Variants in ANO9 observed in about 807,000 individuals in gnomAD.
ANO9 encodes anoctamin 9.
A neutral mutation model predicts 100.5 loss-of-function variants in ANO9; 80 were observed. The observed-to-expected ratio is 0.80, with a 90% confidence interval of 0.66 to 0.96. The LOEUF is 0.96. Ranked by LOEUF, ANO9 falls within the 40% of genes least tolerant of loss-of-function variation. The pLI, the probability that ANO9 is intolerant of heterozygous loss-of-function variation, is 0.00. For missense variants in ANO9, 1,064 were observed against 1,072.7 expected (o/e 0.99, Z 0.11); for synonymous variants, 473 against 435.6 (o/e 1.09, Z -1.07).
In ANO9 at chr11:418,420, G is replaced by A. The variant is rs1421954671; in HGVS notation, c.2300C>T (p.Ala767Val). The A allele has an allele frequency of 6.2e-7, 1 of 1,612,484 alleles. No homozygotes were observed. Among genetic ancestry groups the A allele is most frequent in the Non-Finnish European group, 8.5e-7 (1 of 1,179,804 alleles). ...VGAGSRPPMP[A>V]HPTPASIFSA... ...GAAGATGGATGCTGGGGTGGGATGGGCAGGCATTGGGGGCCGAGAGCCTGC... is the reference window on the plus strand; with the variant it reads ...GAAGATGGATGCTGGGGTGGGATGGACAGGCATTGGGGGCCGAGAGCCTGC... The change falls in exon 23 of 23, where the codon GCC (alanine) becomes GTC (valine). Residue 767 changes from alanine (A) to valine (V), a missense_variant. Ala to Val is a moderately conservative substitution (Grantham distance 64). Transcript: ENST00000332826.
In ANO9 at chr11:428,713, C is replaced by T. The variant is rs1378766140; in HGVS notation, c.1020+9G>A. 6.2e-7 allele frequency: 1 copy of T among 1,613,010 alleles called. No homozygotes were observed. Among genetic ancestry groups the T allele is most frequent in the Middle Eastern group, 1.7e-4 (1 of 6,060 alleles). ...GGTCTCCAGCCCCACCGCGGTGTCC[C>T]CTGCGTACCATGAGCAGGGTCAGGA... On this transcript the variant is annotated intron_variant, in intron 12 of 22. Transcript: ENST00000332826.
chr11:429,179 G>C (rs555134219), intron 11 of ANO9, among the ~76,000 whole-genome samples: 1 of 140,350 alleles, frequency 7.1e-6, no homozygotes, highest in East Asian at 2.2e-4. Flanking sequence ...GACAGACACA[G>C]GGACACGCCT....
rs758307530 is a variant in ANO9 at position 420,635 on chromosome 11, C to G, written c.1634-20G>C. ...GGATCACTGCGCGGTGGGGGTCAGGCTCACCGGCGCCCCGCACTCATGTCC... is the reference window on the plus strand; with the variant it reads ...GGATCACTGCGCGGTGGGGGTCAGGGTCACCGGCGCCCCGCACTCATGTCC... On this transcript the variant is annotated intron_variant, in intron 18 of 22. Coordinates refer to ENST00000332826, the MANE Select transcript of ANO9 (RefSeq NM_001012302.3). 5 of 1,603,214 alleles carry G rather than the reference C, an allele frequency of 3.1e-6. No homozygotes were observed. In the African/African-American group the frequency reaches 6.7e-5, roughly 21 times the overall value.
chr11:433,754 G>A, intron 3 of ANO9, 61 bp downstream of exon 3: 1 of 1,514,154 alleles, frequency 6.6e-7, no homozygotes, highest in South Asian at 1.3e-5. Context: ...CCATGGCCCT[G>A]CCCCTCGCTG....
intron 1 of ANO9, 64 bp downstream of exon 1, chr11:441,857 G>A (rs1006600184): frequency 3.8e-6 from 6 of 1,576,130 alleles, no homozygotes; most frequent in Admixed American, 1.8e-5. Flanking sequence ...TGGGGCCGGG[G>A]GCCCCAGGTG....
intron 1 of ANO9, among the ~76,000 whole-genome samples, chr11:440,879 A>C (rs1006943530): frequency 6.6e-6 from 1 of 152,266 alleles, no homozygotes; most frequent in African/African-American, 2.4e-5. Flanking sequence ...GACCACAGGC[A>C]TGCGCCACCA....
At chr11:419,133 C>T (rs796959622) in intron 20 of ANO9, 144 bp from the exon 21 acceptor site, 14 of 1,471,426 alleles carry the variant, frequency 9.5e-6, no homozygotes, top group African/African-American at 4.2e-5. Flanking sequence ...ACGGGGCTCC[C>T]GGGCCAAGCA....
intron 15 of ANO9, among the ~76,000 whole-genome samples, chr11:426,014 G>A (rs936566483): frequency 1.3e-5 from 2 of 152,108 alleles, no homozygotes; most frequent in Non-Finnish European, 2.9e-5. Context: ...TGACAGGCGT[G>A]AGCCACCTCG....
In ANO9 at chr11:428,126, A is replaced by AT; in HGVS notation, c.1295dup (p.His432GlnfsTer191). On this transcript the variant is annotated frameshift_variant, in exon 15 of 23. Coordinates refer to ENST00000332826, the MANE Select transcript of ANO9 (RefSeq NM_001012302.3). LOFTEE classifies it high-confidence loss of function. ...AGGCGATGTAGATGAGAGACGAGAA[A>AT]TGGGTGAAGAACTGCAGTGTGAAGA... The AT allele has an allele frequency of 1.2e-6, 2 of 1,610,220 alleles. No homozygotes were observed. Among genetic ancestry groups the AT allele is most frequent in the Non-Finnish European group, 1.7e-6 (2 of 1,179,356 alleles).
chr11:418,909 G>T lies in ANO9; in HGVS notation c.2015C>A (p.Ser672Ter). ...DFQDPDGIEGSENVTLCRYRD... is the reference protein window; with the variant it reads ...DFQDPDGIEG ...AAACCTGCACAGAGTCACGTTTTCT[G>T]AGCCCTCAATCCCATCAGGGTCCTG... Residue 672 changes from serine (S) to a stop codon, truncating the protein, a stop_gained, in exon 21 of 23, where the codon TCA becomes TAA. Transcript: ENST00000332826. LOFTEE classifies it high-confidence loss of function. 2 of 1,613,620 alleles carry T rather than the reference G, an allele frequency of 1.2e-6. No individual in the cohort carries two copies. The highest frequency in any genetic ancestry group is 1.7e-6 in the Non-Finnish European group (2 of 1,179,922).
rs931479232 is a variant in ANO9 at position 418,220 on chromosome 11, C to T, written c.*151G>A. 2.6e-6 allele frequency: 2 copies of T among 783,656 alleles called. No individual in the cohort carries two copies. Among genetic ancestry groups the T allele is most frequent in the African/African-American group, 3.5e-5 (2 of 57,298 alleles). The allele number at this position is 783,656 out of a possible 1,614,324, so 48.5% of individuals were successfully genotyped here. ...CGGAGCAGGCGGAATAGGGTGGCAG[C>T]TCACAGCCCTGAACATACAGGGGAT... On this transcript the variant is annotated 3_prime_UTR_variant, in exon 23 of 23. Coordinates refer to ENST00000332826, the MANE Select transcript of ANO9 (RefSeq NM_001012302.3).
At chr11:424,142 C>T (rs985546919) in intron 15 of ANO9, among the ~76,000 whole-genome samples, 1 of 152,192 alleles carries the variant, frequency 6.6e-6, no homozygotes, top group Non-Finnish European at 1.5e-5. Context: ...GATCTGCCTG[C>T]CTCAGCCTCC....
At chr11:420,696 C>T in intron 18 of ANO9, 22 bp downstream of exon 18, 1 of 1,604,008 alleles carries the variant, frequency 6.2e-7, no homozygotes. Flanking sequence ...CCGCGAACCC[C>T]CGCCCCGCAG....
At chr11:436,099 C>G (rs945602429) in intron 1 of ANO9, among the ~76,000 whole-genome samples, 2 of 122,232 alleles carry the variant, frequency 1.6e-5, no homozygotes, top group Admixed American at 2.0e-4. Flanking sequence ...CAGAGTTTTC[C>G]TCGTGATGCC....
chr11:428,038 G>A (rs1848629673), intron 15 of ANO9, 50 bp downstream of exon 15: 1 of 1,234,942 alleles, frequency 8.1e-7, no homozygotes, highest in East Asian at 3.2e-5. Flanking sequence ...TAAAGGCAGT[G>A]GAACAAGCCC....
chr11:441,897 G>T, intron 1 of ANO9, 24 bp downstream of exon 1: 1 of 1,605,970 alleles, frequency 6.2e-7, no homozygotes. Context: ...TGAAGGTGTG[G>T]ACCCTTTTGA....
At chr11:433,618 G>A (rs1460635129) in intron 3 of ANO9, among the ~76,000 whole-genome samples, 159 bp from the exon 4 acceptor site, 3 of 148,644 alleles carry the variant, frequency 2.0e-5, no homozygotes, top group East Asian at 2.0e-4. Context: ...CCACGGAGCT[G>A]CCTCGCTCCC....
At chr11:426,141 C>T (rs1471220899) in intron 15 of ANO9, among the ~76,000 whole-genome samples, 1 of 152,234 alleles carries the variant, frequency 6.6e-6, no homozygotes, top group Non-Finnish European at 1.5e-5. Flanking sequence ...GTCACTGACA[C>T]AGCCTTTCTG....
chr11:420,637 C>T, intron 18 of ANO9, 22 bp from the exon 19 acceptor site: 1 of 1,603,252 alleles, frequency 6.2e-7, no homozygotes, highest in Non-Finnish European at 8.5e-7. Context: ...GGGTCAGGCT[C>T]ACCGGCGCCC....
Sources: gnomAD v4.1 joint callset for allele counts (sites outside exome capture counted in the v4.1 genomes callset) on GRCh38, gnomAD v4.1.1 for gene constraint, MANE v1.5 for transcripts, NCBI Gene and HGNC (gene_info 2026-07-23, HGNC 2026-07-21) for gene names.